The following ITGA7 variants were observed in gnomAD, a reference collection of about 807,000 sequenced individuals.
The protein encoded by ITGA7 is integrin subunit alpha 7, also known as integrin alpha-7.
Under a neutral mutation model 131.6 loss-of-function variants are expected in ITGA7, and 84 were observed. The observed-to-expected ratio is 0.64, with a 90% CI of 0.54 to 0.77. The LOEUF (loss-of-function observed/expected upper bound fraction) is 0.77, where lower values mean the gene tolerates loss of function less well. Ranked by LOEUF, ITGA7 falls within the 30% of genes least tolerant of loss-of-function variation. ITGA7 has a pLI of 0.00. For missense variants in ITGA7, 1,399 were observed against 1,482.9 expected, an observed-to-expected ratio of 0.94 and a Z score of 0.93; for synonymous variants, 548 against 600.7, an observed-to-expected ratio of 0.91 and a Z score of 1.28.
chr12:55,700,172 A>G, intron 4 of ITGA7, 183 bp from the exon 5 acceptor site: 2 of 1,486,356 alleles, frequency 1.3e-6, no homozygotes, highest in East Asian at 2.3e-5. Context: ...AGAGACAGAA[A>G]CAGAGACAGA....
Position 55,699,914 on chromosome 12 carries a change from C to A in ITGA7, c.746G>T (p.Arg249Leu). Residue 249 changes from arginine to leucine, a missense_variant, in exon 5 of 25, where the codon CGG (arginine) becomes CTG (leucine). Arg to Leu is a moderately radical substitution (Grantham distance 102). Transcript: ENST00000257879. ...CAAGTCTCCGGCTGGTCCTGGGAGC[C>A]GGTCAGCAGGGTCCAAAGTTTTATA... ...LVYKTLDPAD[R>L]LPGPAGDLAL... 1 of 1,613,466 alleles carries A rather than the reference C, an allele frequency of 6.2e-7. No homozygotes were observed. Among genetic ancestry groups the A allele is most frequent in the Non-Finnish European group, 8.5e-7 (1 of 1,179,822 alleles).
At position 55,707,835 on chromosome 12, in the gene ITGA7, C is replaced by CGCCG. The variant is rs1198658791; in HGVS notation, c.-157_-154dup. ...CGCCCCGCCAGCCCTCCCGCCCGCC[C>CGCCG]GCCGCTCCGCCACCCCGCCGCCCCA... On this transcript the variant is annotated 5_prime_UTR_variant, in exon 1 of 25. Coordinates refer to ENST00000257879, the MANE Select transcript of ITGA7 (RefSeq NM_002206.3). The CGCCG allele has an allele frequency of 4.8e-6, 7 of 1,467,918 alleles. No individual in the cohort carries two copies. In the East Asian group the frequency reaches 7.5e-5, roughly 16 times the overall value. 90.9% of individuals were successfully genotyped at this position (1,467,918 alleles called of 1,614,324 possible). A position where few individuals can be genotyped will look rare whatever the true frequency, so the allele number is the denominator to read the frequency against.
Position 55,703,060 on chromosome 12 carries a change from C to T in ITGA7, c.325G>A (p.Asp109Asn), listed in dbSNP as rs1313089520. ...EETDCYRVDI[D>N]QGADMQKESK... ...TCATGCAGGGCCACACCTCCCTGGT[C>T]GATGTCCACTCTGTAGCAGTCAGTC... Residue 109 changes from aspartate (D) to asparagine (N), a missense_variant, in exon 2 of 25, where the codon GAC becomes AAC. Physicochemically the swap from Asp to Asn is conservative, Grantham distance 23. Coordinates refer to ENST00000257879, the MANE Select transcript of ITGA7 (RefSeq NM_002206.3). 6.2e-7 allele frequency: 1 copy of T among 1,614,082 alleles called. No individual in the cohort carries two copies. Among genetic ancestry groups the T allele is most frequent in the African/African-American group, 1.3e-5 (1 of 75,062 alleles).
rs773265401 is a variant in ITGA7 at position 55,697,528 on chromosome 12, A to G, written c.1428T>C (p.His476=). 1 of 1,614,038 alleles carries G rather than the reference A, an allele frequency of 6.2e-7. No individual in the cohort carries two copies. Among genetic ancestry groups the G allele is most frequent in the East Asian group, 2.2e-5 (1 of 44,884 alleles). ...AVLFRARPIL[H]VSHEVSIAPR... ...GAGCAATAGAGACCTCATGGGAGACATGGAGGATGGGTCTGGCCCTGGGAT... is the reference window on the plus strand; with the variant it reads ...GAGCAATAGAGACCTCATGGGAGACGTGGAGGATGGGTCTGGCCCTGGGAT... Residue 476 remains histidine (H), a synonymous_variant, in exon 10 of 25, where the codon CAT becomes CAC. Transcript: ENST00000257879.
intron 3 of ITGA7, 177 bp downstream of exon 3, chr12:55,702,695 T>A: frequency 1.5e-6 from 1 of 654,992 alleles, no homozygotes; most frequent in East Asian, 2.7e-5. Context: ...CAGACATTTT[T>A]ACATTTATAA....
At position 55,694,514 on chromosome 12, in the gene ITGA7, G is replaced by T. The variant is rs748182172; in HGVS notation, c.2286C>A (p.Phe762Leu). 22 of 1,614,102 alleles carry T rather than the reference G, an allele frequency of 1.4e-5. No individual in the cohort carries two copies. In the African/African-American group the frequency reaches 2.8e-4, roughly 21 times the overall value. The change falls in exon 17 of 25, where the codon TTC becomes TTA. Residue 762 changes from phenylalanine to leucine, a missense_variant. Phe to Leu is a conservative substitution (Grantham distance 22). Coordinates refer to ENST00000257879, the MANE Select transcript of ITGA7 (RefSeq NM_002206.3). This position sits in a 1 kb window ranked among gnomAD's most constrained non-coding sequence, Gnocchi z 5.3. ...TCCCGGAGGTGCTAAGGATGAGGTA[G>T]AAGGTGACCTAGGCCAAGGGTGGAA... ...NPMKRGAQVT[F>L]YLILSTSGIS...
At chr12:55,712,290 CCT>C (rs1375180009), upstream of ITGA7, 19 of 1,526,252 alleles carry the variant, frequency 1.2e-5, no homozygotes, top group Non-Finnish European at 1.7e-5. Context: ...TCAAGGGCCC[CCT>C]TTCTTTGAGC....
Position 55,702,853 on chromosome 12 carries a change from C to A in ITGA7, c.414+19G>T. ...CACACACCCCATCCGTGCATTCAGTCATGAGAAGCAATACTCACAACAATC... is the reference window on the plus strand; with the variant it reads ...CACACACCCCATCCGTGCATTCAGTAATGAGAAGCAATACTCACAACAATC... On this transcript the variant is annotated intron_variant, in intron 3 of 24. Transcript: ENST00000257879. The A allele has an allele frequency of 1.2e-6, 2 of 1,604,766 alleles. No homozygotes were observed. Among genetic ancestry groups the A allele is most frequent in the South Asian group, 2.2e-5 (2 of 90,890 alleles).
chr12:55,695,165 T>G, intron 14 of ITGA7, 195 bp from the exon 15 acceptor site: 1 of 618,026 alleles, frequency 1.6e-6, no homozygotes, highest in South Asian at 1.9e-5. Context: ...TCATCTCAGC[T>G]CCACCATTAC....
chr12:55,715,966 C>T (rs1876479021), upstream of ITGA7: 2 of 1,443,590 alleles, frequency 1.4e-6, no homozygotes, highest in Non-Finnish European at 1.8e-6. Flanking sequence ...CCTCCGCAAC[C>T]CTCTACCTCT....
In ITGA7 at chr12:55,700,936, G is replaced by A; in HGVS notation, c.633C>T (p.Tyr211=). 1 of 1,614,238 alleles carries A rather than the reference G, an allele frequency of 6.2e-7. No homozygotes were observed. The highest frequency in any genetic ancestry group is 8.5e-7 in the Non-Finnish European group (1 of 1,180,036). Residue 211 remains tyrosine, a synonymous_variant, in exon 4 of 25, where the codon TAC becomes TAT. Coordinates refer to ENST00000257879, the MANE Select transcript of ITGA7 (RefSeq NM_002206.3). ...TAAAFSPDSH[Y]LLFGAPGTYN... ...AGGTTCCTGGGGCCCCAAAGAGGAG[G>A]TAGTGGCTATCAGGGGAGAAGGCGG...
upstream of ITGA7, chr12:55,716,076 C>A (rs779038442): frequency 3.8e-6 from 6 of 1,573,154 alleles, no homozygotes; most frequent in South Asian, 1.2e-5. Context: ...CCGAGGTGAG[C>A]GTTCCAGCTT....
At chr12:55,685,386 G>A in intron 24 of ITGA7, 98 bp from the exon 25 acceptor site, 2 of 1,106,294 alleles carry the variant, frequency 1.8e-6, no homozygotes, top group Non-Finnish European at 2.7e-6. Context: ...CACCATCCCT[G>A]CTGCGGCAGA....
chr12:55,707,835 C>CG lies in ITGA7; in HGVS notation c.-154dup. 6.8e-7 allele frequency: 1 copy of CG among 1,467,776 alleles called. No individual in the cohort carries two copies. Among genetic ancestry groups the CG allele is most frequent in the Non-Finnish European group, 9.0e-7 (1 of 1,110,364 alleles). 90.9% of individuals were successfully genotyped at this position (1,467,776 alleles called of 1,614,324 possible). A position where few individuals can be genotyped will look rare whatever the true frequency, so the allele number is the denominator to read the frequency against. ...CGCCCCGCCAGCCCTCCCGCCCGCCCGCCGCTCCGCCACCCCGCCGCCCCA... is the reference window on the plus strand; with the variant it reads ...CGCCCCGCCAGCCCTCCCGCCCGCCCGGCCGCTCCGCCACCCCGCCGCCCCA... On this transcript the variant is annotated 5_prime_UTR_variant, in exon 1 of 25. Transcript: ENST00000257879.
At position 55,700,007 on chromosome 12, in the gene ITGA7, A is replaced by G; in HGVS notation, c.671-18T>C. 1 of 1,613,838 alleles carries G rather than the reference A, an allele frequency of 6.2e-7. No homozygotes were observed. Among genetic ancestry groups the G allele is most frequent in the Non-Finnish European group, 8.5e-7 (1 of 1,179,840 alleles). Reference sequence around the variant, plus strand: ...AAGCAACCCTGTGGGGGGTGGGGTGAGACACCAGGGAGGGGACATCCAGAG... The same window carrying G: ...AAGCAACCCTGTGGGGGGTGGGGTGGGACACCAGGGAGGGGACATCCAGAG... On this transcript the variant is annotated intron_variant, in intron 4 of 24. Transcript: ENST00000257879.
chr12:55,694,040 T>G lies in ITGA7; in HGVS notation c.2516A>C (p.Lys839Thr). ...ACTTACCGTGACCTCATACTTGACCTTGCTGCCCACATCCCGCTCAGACTG... is the reference window on the plus strand; with the variant it reads ...ACTTACCGTGACCTCATACTTGACCGTGCTGCCCACATCCCGCTCAGACTG... Reference protein sequence around the residue: ...AMQSERDVGSKVKYEVTVSNQ... With the variant: ...AMQSERDVGSTVKYEVTVSNQ... Residue 839 changes from lysine (K) to threonine (T), a missense_variant, in exon 19 of 25, where the codon AAG (lysine) becomes ACG (threonine). By Grantham distance (78) the Lys-to-Thr change is moderately conservative (BLOSUM62 -1). Coordinates refer to ENST00000257879, the MANE Select transcript of ITGA7 (RefSeq NM_002206.3). This position sits in a 1 kb window ranked among gnomAD's most constrained non-coding sequence, Gnocchi z 5.3. The G allele has an allele frequency of 6.2e-7, 1 of 1,613,960 alleles. No individual in the cohort carries two copies. The highest frequency in any genetic ancestry group is 8.5e-7 in the Non-Finnish European group (1 of 1,179,906).
At chr12:55,703,221 G>C in intron 1 of ITGA7, 43 bp from the exon 2 acceptor site, 1 of 1,598,394 alleles carries the variant, frequency 6.3e-7, no homozygotes, top group Non-Finnish European at 8.5e-7. Context: ...AGGAGTTAGA[G>C]GTCAGAATGA....
In ITGA7 at chr12:55,697,281, C is replaced by T. The variant is rs755782601; in HGVS notation, c.1506-4G>A. On this transcript the variant is annotated splice_region_variant and splice_polypyrimidine_tract_variant and intron_variant, in intron 10 of 24. Coordinates refer to ENST00000257879, the MANE Select transcript of ITGA7 (RefSeq NM_002206.3). ...GAAACAGACCCTTAGGTCCACACTG[C>T]GGGGGCAAAGGTGGCTCCTGAGCCA... is the stretch of plus-strand genomic sequence containing the variant. 2.1e-5 allele frequency: 34 copies of T among 1,591,562 alleles called. No homozygotes were observed. The highest frequency in any genetic ancestry group is 1.6e-4 in the Admixed American group (9 of 55,488).
chr12:55,688,699 G>A, intron 22 of ITGA7, 145 bp downstream of exon 22: 2 of 700,980 alleles, frequency 2.9e-6, no homozygotes, highest in East Asian at 5.6e-5. Flanking sequence ...CTCCAGCCTG[G>A]GGGACAAAGG....
Sources: gnomAD v4.1 joint callset for allele counts on GRCh38, gnomAD v4.1.1 for gene constraint, Gnocchi (gnomAD v3.1) non-coding constraint, MANE v1.5 for transcripts, NCBI Gene and HGNC (gene_info 2026-07-23, HGNC 2026-07-21) for gene names.